The following GSAP variants were observed in gnomAD, a reference collection of about 807,000 sequenced individuals.
The protein encoded by GSAP is gamma-secretase activating protein, also known as gamma-secretase-activating protein.
In GSAP, 118 loss-of-function variants were observed where a neutral mutation model predicts 131.7. The ratio of observed to expected loss-of-function variants is 0.90; its 90% CI spans 0.77 to 1.04. The LOEUF is 1.04. GSAP is among the 50% of genes least tolerant of loss of function. The pLI, the probability that GSAP is intolerant of heterozygous loss-of-function variation, is 0.00. For synonymous variants in GSAP, 381 were observed against 363.4 expected, an observed-to-expected ratio of 1.05 and a Z score of -0.55; for missense variants, 1,019 against 1,013.2, an observed-to-expected ratio of 1.01 and a Z score of -0.08.
At position 77,310,952 on chromosome 7, in the gene GSAP, T is replaced by G. The variant is rs1354016074; in HGVS notation, c.*406A>C. On this transcript the variant is annotated 3_prime_UTR_variant, in exon 31 of 31. Transcript: ENST00000257626. The stretch of plus-strand genomic sequence containing the variant: ...AAAGGACCCTCTTTCCAAATAGTGT[T>G]CTTATGTAACATTTAATTTTTATGC... 1 of 159,652 alleles carries G rather than the reference T, an allele frequency of 6.3e-6. No homozygotes were observed. Among genetic ancestry groups the G allele is most frequent in the Admixed American group, 6.1e-5 (1 of 16,416 alleles). The allele number at this position is 159,652 out of a possible 1,614,324, so 9.9% of individuals were successfully genotyped here.
intron 8 of GSAP, among the ~76,000 whole-genome samples, chr7:77,378,253 A>C (rs531706284): frequency 2.0e-5 from 3 of 152,194 alleles, no homozygotes; most frequent in African/African-American, 7.2e-5. Flanking sequence ...AGGCCGAGGT[A>C]GGTGGATTAC....
At chr7:77,386,488 G>C (rs1798583460) in intron 6 of GSAP, among the ~76,000 whole-genome samples, 1 of 152,142 alleles carries the variant, frequency 6.6e-6, no homozygotes, top group Non-Finnish European at 1.5e-5. Context: ...TTTGTCAACA[G>C]ATCAGTATAT....
At chr7:77,404,459 A>G (rs1583908119) in intron 3 of GSAP, 100 bp downstream of exon 3, 1 of 712,062 alleles carries the variant, frequency 1.4e-6, no homozygotes, top group South Asian at 1.6e-5. Flanking sequence ...TGTTTACAGA[A>G]AAAGAGAAAA....
chr7:77,390,313 C>CT (rs1289367320), intron 5 of GSAP, among the ~76,000 whole-genome samples: 1 of 152,044 alleles, frequency 6.6e-6, no homozygotes, highest in African/African-American at 2.4e-5. Context: ...TCAATTTTGG[C>CT]TTTTGTTGCC....
intron 6 of GSAP, among the ~76,000 whole-genome samples, chr7:77,385,413 G>T (rs965889505): frequency 6.6e-6 from 1 of 152,106 alleles, no homozygotes; most frequent in Non-Finnish European, 1.5e-5. Flanking sequence ...ATTTTTGGTA[G>T]ATTTTAATAT....
intron 14 of GSAP, among the ~76,000 whole-genome samples, chr7:77,356,067 C>T (rs1393695027): frequency 6.6e-6 from 1 of 151,660 alleles, no homozygotes; most frequent in African/African-American, 2.4e-5. Flanking sequence ...GCTGGGATTA[C>T]AGGCATGTTG....
In GSAP at chr7:77,358,367, G is replaced by A. The variant is rs545898645; in HGVS notation, c.1027+2457C>T. 2.0e-5 allele frequency among the ~76,000 whole-genome samples: 3 copies of A among 152,158 alleles called. No homozygotes were observed. The East Asian group carries it at 5.8e-4, about 29-fold the overall frequency. ...AACAAACAAACAAAAAAGTTTGCTG[G>A]GAAGATTTGATGAAATAACTCTGTA... On this transcript the variant is annotated intron_variant, in intron 14 of 30. Transcript: ENST00000257626.
chr7:77,364,278 T>C (rs961140830), intron 12 of GSAP, among the ~76,000 whole-genome samples: 1 of 152,206 alleles, frequency 6.6e-6, no homozygotes, highest in East Asian at 1.9e-4. Context: ...CTTTTAGGAT[T>C]CTATCCTGGG....
chr7:77,381,105 G>T (rs1797730395), intron 8 of GSAP, among the ~76,000 whole-genome samples, 200 bp downstream of exon 8: 1 of 152,144 alleles, frequency 6.6e-6, no homozygotes, highest in African/African-American at 2.4e-5. Flanking sequence ...GAGATTGAGG[G>T]TTGAGGTAGA....
chr7:77,328,164 AC>A (rs1240460022), intron 22 of GSAP: 1 of 971,464 alleles, frequency 1.0e-6, no homozygotes, highest in African/African-American at 1.8e-5. Flanking sequence ...CACACTGCTT[AC>A]CTGGAAGCTC....
intron 28 of GSAP, among the ~76,000 whole-genome samples, chr7:77,312,669 T>C (rs2150576485): frequency 6.6e-6 from 1 of 152,316 alleles, no homozygotes; most frequent in Admixed American, 6.5e-5. Context: ...CTATGGAAAA[T>C]ATGCTTTGTT....
At chr7:77,366,578 C>T (rs1311356967) in intron 12 of GSAP, among the ~76,000 whole-genome samples, 1 of 152,142 alleles carries the variant, frequency 6.6e-6, no homozygotes, top group East Asian at 1.9e-4. Flanking sequence ...CTATTCCATT[C>T]TATTGGTCTA....
chr7:77,362,743 A>G (rs1794725409), intron 12 of GSAP, 83 bp from the exon 13 acceptor site: 1 of 755,624 alleles, frequency 1.3e-6, no homozygotes, highest in Admixed American at 2.0e-5. Context: ...ACTTACTTCT[A>G]TTCCTTTAGA....
intron 1 of GSAP, among the ~76,000 whole-genome samples, chr7:77,411,098 T>TAAAAAAAAAAAAA: frequency 9.2e-6 from 1 of 108,832 alleles, no homozygotes; most frequent in Non-Finnish European, 1.8e-5. Flanking sequence ...AAGAAAATAG[T>TAAAAAAAAAAAAA]AAAAAAAAAA....
At chr7:77,350,649 A>T (rs1225649395) in intron 18 of GSAP, among the ~76,000 whole-genome samples, 1 of 151,808 alleles carries the variant, frequency 6.6e-6, no homozygotes, top group Non-Finnish European at 1.5e-5. Context: ...AGGCTGAGGC[A>T]GGACAATCAC....
At chr7:77,412,908 C>A (rs1803541250) in intron 1 of GSAP, among the ~76,000 whole-genome samples, 1 of 152,038 alleles carries the variant, frequency 6.6e-6, no homozygotes, top group Non-Finnish European at 1.5e-5. Flanking sequence ...TTGGCACTGC[C>A]CAGGAAAGAC....
At position 77,311,853 on chromosome 7, in the gene GSAP, ACT is replaced by A; in HGVS notation, c.2459_2460del (p.Glu820ValfsTer10). The A allele has an allele frequency of 6.6e-7, 1 of 1,508,654 alleles. No individual in the cohort carries two copies. Among genetic ancestry groups the A allele is most frequent in the Non-Finnish European group, 9.2e-7 (1 of 1,083,974 alleles). The allele number at this position is 1,508,654 out of a possible 1,614,324, so 93.5% of individuals were successfully genotyped here. Reference sequence around the variant, plus strand: ...GGGAGTAAATTACCTTGATTGGAGGACTCTATATCTGTCAGAATTTCAATGAA... The same window carrying A: ...GGGAGTAAATTACCTTGATTGGAGGACTATATCTGTCAGAATTTCAATGAA... ...NYFIEILTDI[E>X]SSNQALYPFE... On this transcript the variant is annotated frameshift_variant, in exon 30 of 31. Coordinates refer to ENST00000257626, the MANE Select transcript of GSAP (RefSeq NM_017439.4). LOFTEE classifies it high-confidence loss of function.
At chr7:77,390,763 A>T (rs934942989) in intron 5 of GSAP, among the ~76,000 whole-genome samples, 1 of 151,572 alleles carries the variant, frequency 6.6e-6, no homozygotes, top group Non-Finnish European at 1.5e-5. Context: ...TAATAAAAAT[A>T]AAAAATAAAA....
Position 77,311,284 on chromosome 7 carries a change from A to T in GSAP, c.*74T>A. The stretch of plus-strand genomic sequence containing the variant: ...TTTGTTACCAATTTTAAATATTGTT[A>T]AAGAATTCTCAAAGGAGTAAGGTTA... On this transcript the variant is annotated 3_prime_UTR_variant, in exon 31 of 31. Coordinates refer to ENST00000257626, the MANE Select transcript of GSAP (RefSeq NM_017439.4). 1.1e-6 allele frequency: 1 copy of T among 890,022 alleles called. No individual in the cohort carries two copies. Among genetic ancestry groups the T allele is most frequent in the Non-Finnish European group, 1.9e-6 (1 of 538,046 alleles). The allele number at this position is 890,022 out of a possible 1,614,324, so 55.1% of individuals were successfully genotyped here.
Sources: gnomAD v4.1 joint callset for allele counts (sites outside exome capture counted in the v4.1 genomes callset) on GRCh38, gnomAD v4.1.1 for gene constraint, MANE v1.5 for transcripts, NCBI Gene and HGNC (gene_info 2026-07-23, HGNC 2026-07-21) for gene names.